Variants in ASIC2 observed in about 807,000 individuals in gnomAD.
The protein encoded by ASIC2 is acid-sensing ion channel 2.
In ASIC2, 25 loss-of-function variants were observed where a neutral mutation model predicts 57.3. That is an observed-to-expected ratio of 0.44 (90% CI 0.32 to 0.61). ASIC2 has a LOEUF of 0.61. ASIC2 is among the 20% of genes least tolerant of loss of function. ASIC2 has a pLI of 0.06. For missense variants in ASIC2, 641 were observed against 738.1 expected (o/e 0.87, Z 1.52); for synonymous variants, 319 against 307.5 (o/e 1.04, Z -0.39).
At chr17:34,090,178 T>C (rs1910274870) in intron 1 of ASIC2, among the ~76,000 whole-genome samples, 1 of 152,206 alleles carries the variant, frequency 6.6e-6, no homozygotes. Flanking sequence ...GGTTTCTCTT[T>C]GTGTGGAGCT....
chr17:33,425,721 T>G (rs1911196065), intron 1 of ASIC2, among the ~76,000 whole-genome samples: 1 of 152,102 alleles, frequency 6.6e-6, no homozygotes, highest in Non-Finnish European at 1.5e-5. Context: ...AGACCAGTAG[T>G]TAGGCATTTG....
At chr17:33,360,833 ACTAGAACCTGTCTC>A (rs1340744405) in intron 1 of ASIC2, among the ~76,000 whole-genome samples, 2 of 152,182 alleles carry the variant, frequency 1.3e-5, no homozygotes, top group Admixed American at 6.5e-5. Flanking sequence ...TGGAGCCCTA[ACTAGAACCTGTCTC>A]CTAGGGATGG....
At chr17:34,050,137 T>G (rs1021128975) in intron 1 of ASIC2, among the ~76,000 whole-genome samples, 5 of 152,210 alleles carry the variant, frequency 3.3e-5, no homozygotes, top group Non-Finnish European at 7.3e-5. Flanking sequence ...TGCCTGAACC[T>G]TGGGAGGCAA....
chr17:34,002,331 T>C (rs1307522371), intron 1 of ASIC2: 1 of 152,266 alleles, frequency 6.6e-6, no homozygotes, highest in Non-Finnish European at 1.5e-5. Context: ...TGCTTCCTTT[T>C]CTTAGCAGCA....
intron 1 of ASIC2, among the ~76,000 whole-genome samples, chr17:33,392,301 C>T (rs918393100): frequency 2.7e-5 from 4 of 150,232 alleles, no homozygotes; most frequent in African/African-American, 9.8e-5. Flanking sequence ...TGCTCTGTTA[C>T]CCAGGCTGGA....
chr17:33,067,709 G>A (rs1007016855), intron 3 of ASIC2, among the ~76,000 whole-genome samples: 2 of 152,138 alleles, frequency 1.3e-5, no homozygotes, highest in Non-Finnish European at 1.5e-5. Flanking sequence ...TCAATTGCCT[G>A]AAATATAACT....
At chr17:33,802,491 T>C (rs906713886) in intron 1 of ASIC2, among the ~76,000 whole-genome samples, 1 of 152,352 alleles carries the variant, frequency 6.6e-6, no homozygotes, top group African/African-American at 2.4e-5. Context: ...CCTTCCGAAT[T>C]GCCTGCCACT....
In ASIC2 at chr17:33,418,028, A is replaced by ATGTGTGTG. The variant is rs1161141315; in HGVS notation, c.556-305969_556-305962dup. On this transcript the variant is annotated intron_variant, in intron 1 of 9. Coordinates refer to the ASIC2 transcript ENST00000359872. ...CCACTCTGGCTCTCAGCATGTATGT[A>ATGTGTGTG]TGTGTGTGTGTGTGTGTGTGTGTGT... 4.3e-3 allele frequency among the ~76,000 whole-genome samples: 289 copies of ATGTGTGTG among 67,726 alleles called. 2 individuals carry two copies. The highest frequency in any genetic ancestry group is 8.4e-3 in the African/African-American group (226 of 26,960). The allele number at this position is 67,726 out of a possible 152,430, so 44.4% of individuals were successfully genotyped here. A position where few individuals can be genotyped will look rare whatever the true frequency, so the allele number is the denominator to read the frequency against.
intron 1 of ASIC2, among the ~76,000 whole-genome samples, chr17:33,618,060 T>A (rs1905663156): frequency 6.6e-6 from 1 of 152,054 alleles, no homozygotes; most frequent in Non-Finnish European, 1.5e-5. Context: ...CTCAGACCAA[T>A]AGTTGATTGT....
At chr17:33,483,287 T>C (rs978315873) in intron 1 of ASIC2, among the ~76,000 whole-genome samples, 3 of 152,220 alleles carry the variant, frequency 2.0e-5, no homozygotes, top group African/African-American at 7.2e-5. Context: ...CATTGCTCCT[T>C]TGATTGCAGT....
intron 1 of ASIC2, among the ~76,000 whole-genome samples, chr17:33,886,493 C>T (rs761081979): frequency 1.2e-4 from 19 of 152,120 alleles, no homozygotes; most frequent in Non-Finnish European, 2.5e-4. Flanking sequence ...GTCTGACATG[C>T]AATCCTCATT....
At chr17:33,352,064 C>T (rs1908205549) in intron 1 of ASIC2, among the ~76,000 whole-genome samples, 1 of 152,114 alleles carries the variant, frequency 6.6e-6, no homozygotes. Flanking sequence ...CTTGTGTCTT[C>T]ATCTCTTTGC....
chr17:33,790,794 T>C, intron 1 of ASIC2, among the ~76,000 whole-genome samples: 1 of 152,240 alleles, frequency 6.6e-6, no homozygotes, highest in East Asian at 1.9e-4. Context: ...ATGATGACGA[T>C]CTAACAACAA....
At chr17:33,990,653 GATGTAGT>G (rs1905972755) in intron 1 of ASIC2, among the ~76,000 whole-genome samples, 1 of 152,154 alleles carries the variant, frequency 6.6e-6, no homozygotes, top group Admixed American at 6.5e-5. Flanking sequence ...AGATGAAGAA[GATGTAGT>G]TCTTTCCCTG....
intron 1 of ASIC2, among the ~76,000 whole-genome samples, chr17:33,814,385 G>A (rs1259571739): frequency 6.6e-6 from 1 of 152,220 alleles, no homozygotes; most frequent in Non-Finnish European, 1.5e-5. Context: ...TGGGAAGAGA[G>A]GCAGAGGTCT....
At chr17:34,055,349 T>C (rs576407269) in intron 1 of ASIC2, among the ~76,000 whole-genome samples, 1 of 152,358 alleles carries the variant, frequency 6.6e-6, no homozygotes, top group African/African-American at 2.4e-5. Flanking sequence ...AAATTTCCCA[T>C]TCCTGCATCA....
intron 3 of ASIC2, among the ~76,000 whole-genome samples, chr17:33,059,875 CGTT>C (rs2092013451): frequency 6.6e-6 from 1 of 152,186 alleles, no homozygotes; most frequent in Non-Finnish European, 1.5e-5. Context: ...GATGATATCT[CGTT>C]GTGGTTTTGA....
chr17:33,897,009 A>G (rs924119758), intron 1 of ASIC2, among the ~76,000 whole-genome samples: 3 of 152,188 alleles, frequency 2.0e-5, no homozygotes, highest in African/African-American at 2.4e-5. Flanking sequence ...CAGTCTTGAG[A>G]TGGGTGGGGG....
intron 1 of ASIC2, among the ~76,000 whole-genome samples, chr17:34,112,641 C>A (rs550023645): frequency 6.6e-6 from 1 of 152,262 alleles, no homozygotes; most frequent in Non-Finnish European, 1.5e-5. Flanking sequence ...CTAGGCTCTG[C>A]AGTGAAGCCA....
Sources: allele counts gnomAD v4.1 joint callset (sites outside exome capture counted in the v4.1 genomes callset), GRCh38; gene constraint gnomAD v4.1.1; transcripts MANE v1.5; gene names NCBI Gene and HGNC (gene_info 2026-07-23, HGNC 2026-07-21).